The following PARP15 variants were observed in gnomAD, a reference collection of about 807,000 sequenced individuals.
The protein encoded by PARP15 is protein mono-ADP-ribosyltransferase PARP15.
Under a neutral mutation model 62.1 loss-of-function variants are expected in PARP15, and 50 were observed. That is an observed-to-expected ratio of 0.81 (90% CI 0.64 to 1.02). The LOEUF is 1.02. PARP15 is among the 50% of genes least tolerant of loss of function. The pLI is 0.00. For missense variants in PARP15, 820 were observed against 826.5 expected, an observed-to-expected ratio of 0.99 and a Z score of 0.10; for synonymous variants, 309 against 293.1, an observed-to-expected ratio of 1.05 and a Z score of -0.55.
At chr3:122,624,681 A>G (rs960230760) in intron 8 of PARP15, among the ~76,000 whole-genome samples, 5 of 152,162 alleles carry the variant, frequency 3.3e-5, no homozygotes, top group African/African-American at 1.2e-4. Flanking sequence ...TTGACGTCTC[A>G]TACTTCCCCT....
chr3:122,637,430 G>A lies in PARP15; in HGVS notation c.*1330G>A, dbSNP rs1173544602. 1 of 152,140 alleles carries A rather than the reference G, an allele frequency of 6.6e-6. No homozygotes were observed. Among genetic ancestry groups the A allele is most frequent in the Non-Finnish European group, 1.5e-5 (1 of 68,038 alleles). The allele number at this position is 152,140 out of a possible 1,614,324, so 9.4% of individuals were successfully genotyped here. A position where few individuals can be genotyped will look rare whatever the true frequency, so the allele number is the denominator to read the frequency against. On this transcript the variant is annotated 3_prime_UTR_variant, in exon 12 of 12. Coordinates refer to ENST00000464300, the MANE Select transcript of PARP15 (RefSeq NM_001113523.3). ...TGTCCAGACTTCTGGAGGACACAGA[G>A]CAAGTTTTATTCCTCTTACTGATGG... is the stretch of plus-strand genomic sequence containing the variant.
At position 122,577,825 on chromosome 3, in the gene PARP15, C is replaced by A; in HGVS notation, c.158C>A (p.Ala53Asp). Residue 53 changes from alanine to aspartate, a missense_variant, in exon 1 of 12, where the codon GCC becomes GAC. Around this residue, in one of 3 missense-constraint regions of PARP15, gnomAD observed 731 missense variants for 727.7 expected, o/e 1.00. Transcript: ENST00000464300. ...LPAGNRGARKASRRSSSRSMS... is the reference protein window; with the variant it reads ...LPAGNRGARKDSRRSSSRSMS... ...GCCGGGAACCGTGGGGCGCGGAAGG[C>A]CTCCCGGCGCTCTTCCTCCCGGAGT... 2 of 1,550,168 alleles carry A rather than the reference C, an allele frequency of 1.3e-6. No homozygotes were observed. The highest frequency in any genetic ancestry group is 2.4e-5 in the East Asian group (1 of 40,874).
chr3:122,581,122 A>G (rs976593952), intron 1 of PARP15, among the ~76,000 whole-genome samples: 1 of 152,238 alleles, frequency 6.6e-6, no homozygotes, highest in African/African-American at 2.4e-5. Flanking sequence ...ACACAATGAC[A>G]GAATTGCCTA....
intron 1 of PARP15, among the ~76,000 whole-genome samples, chr3:122,605,596 C>CA (rs751348648): frequency 2.0e-5 from 3 of 152,156 alleles, no homozygotes; most frequent in Non-Finnish European, 2.9e-5. Context: ...CTTTTTGAGA[C>CA]AGGGTCTCGC....
chr3:122,605,852 A>G, intron 1 of PARP15, 84 bp from the exon 2 acceptor site: 2 of 1,415,132 alleles, frequency 1.4e-6, no homozygotes, highest in Non-Finnish European at 1.9e-6. Context: ...AAGTGCTGAG[A>G]TTACAGACCT....
intron 11 of PARP15, 64 bp downstream of exon 11, chr3:122,635,258 C>A: frequency 6.7e-7 from 1 of 1,483,946 alleles, no homozygotes; most frequent in Admixed American, 1.9e-5. Context: ...CTTTTCATAC[C>A]CAAGCAGTGT....
At chr3:122,621,737 G>C (rs1936363377) in intron 8 of PARP15, 126 bp downstream of exon 8, 1 of 889,940 alleles carries the variant, frequency 1.1e-6, no homozygotes, top group Non-Finnish European at 1.6e-6. Context: ...ATCAGAGAGG[G>C]AGCCATCTTT....
intron 1 of PARP15, among the ~76,000 whole-genome samples, chr3:122,586,331 T>C (rs1203563965): frequency 6.6e-6 from 1 of 151,964 alleles, no homozygotes; most frequent in African/African-American, 2.4e-5. Context: ...CTCACCCTCC[T>C]AAGTAGCTAG....
chr3:122,622,441 A>C (rs1248904302), intron 8 of PARP15, among the ~76,000 whole-genome samples: 1 of 152,140 alleles, frequency 6.6e-6, no homozygotes, highest in African/African-American at 2.4e-5. Context: ...TTGTGTCCCC[A>C]GACACCCACA....
At chr3:122,618,383 G>A (rs1936125014) in intron 6 of PARP15, among the ~76,000 whole-genome samples, 1 of 152,170 alleles carries the variant, frequency 6.6e-6, no homozygotes, top group African/African-American at 2.4e-5. Context: ...AAACAACTAT[G>A]AACAAAAGAT....
At position 122,580,177 on chromosome 3, in the gene PARP15, T is replaced by C. The variant is rs143726668; in HGVS notation, c.186+2324T>C. Among the ~76,000 whole-genome samples, 308 of 150,190 alleles carry C rather than the reference T, an allele frequency of 2.1e-3. 1 individual carries two copies. Among genetic ancestry groups the C allele is most frequent in the Middle Eastern group, 6.9e-3 (2 of 290 alleles). ...TTCTATAAATGTCAATTAGGTGGAG[T>C]TGGTTGTTGTTCAAGTCCTCATGTC... On this transcript the variant is annotated intron_variant, in intron 1 of 11. Transcript: ENST00000464300.
chr3:122,605,928 C>A lies in PARP15; in HGVS notation c.187-8C>A. ...ATTGCTGGTAATGCTTTACTGTTTTCTCCACAGTCCAGAGACAACAAGTTC... is the reference window on the plus strand; with the variant it reads ...ATTGCTGGTAATGCTTTACTGTTTTATCCACAGTCCAGAGACAACAAGTTC... On this transcript the variant is annotated splice_region_variant and splice_polypyrimidine_tract_variant and intron_variant, in intron 1 of 11. Coordinates refer to ENST00000464300, the MANE Select transcript of PARP15 (RefSeq NM_001113523.3). 6.4e-7 allele frequency: 1 copy of A among 1,550,552 alleles called. No homozygotes were observed. Among genetic ancestry groups the A allele is most frequent in the Non-Finnish European group, 8.7e-7 (1 of 1,146,348 alleles).
intron 9 of PARP15, among the ~76,000 whole-genome samples, chr3:122,631,622 G>T (rs1023955556): frequency 6.6e-6 from 1 of 152,142 alleles, no homozygotes; most frequent in Admixed American, 6.5e-5. Context: ...TCTTTACATG[G>T]TGCTTTCTCT....
chr3:122,622,138 G>A (rs1028621359), intron 8 of PARP15, among the ~76,000 whole-genome samples: 4 of 152,168 alleles, frequency 2.6e-5, no homozygotes, highest in Non-Finnish European at 5.9e-5. Flanking sequence ...ATCTTTCCAA[G>A]TTTGGTCCTT....
intron 1 of PARP15, among the ~76,000 whole-genome samples, chr3:122,592,585 C>T (rs868000369): frequency 6.0e-5 from 9 of 149,894 alleles, no homozygotes; most frequent in Admixed American, 2.0e-4. Flanking sequence ...GCACATGTAC[C>T]ACAGAACTTA....
chr3:122,607,542 G>T (rs907810486), intron 2 of PARP15, among the ~76,000 whole-genome samples: 1 of 152,208 alleles, frequency 6.6e-6, no homozygotes, highest in South Asian at 2.1e-4. Flanking sequence ...AAAAATGATA[G>T]CTATTATCAT....
chr3:122,597,163 G>A (rs1253202764), intron 1 of PARP15, among the ~76,000 whole-genome samples: 1 of 152,148 alleles, frequency 6.6e-6, no homozygotes, highest in East Asian at 1.9e-4. Context: ...GTGTCCTCAC[G>A]TGGCAGAGAG....
chr3:122,609,697 A>T (rs1300515384), intron 2 of PARP15, among the ~76,000 whole-genome samples: 1 of 134,524 alleles, frequency 7.4e-6, no homozygotes, highest in African/African-American at 3.5e-5. Flanking sequence ...AATCGTGTTT[A>T]AAAAAAAAAA....
intron 1 of PARP15, among the ~76,000 whole-genome samples, chr3:122,604,870 GA>G (rs577148754): frequency 4.0e-5 from 6 of 148,926 alleles, no homozygotes; most frequent in East Asian, 4.0e-4. Flanking sequence ...AAAAAGAAAA[GA>G]AAAAAAATAC....
Sources: allele counts gnomAD v4.1 joint callset (sites outside exome capture counted in the v4.1 genomes callset), GRCh38; gene constraint gnomAD v4.1.1; regional missense constraint gnomAD v4.1.1; transcripts MANE v1.5; gene names NCBI Gene and HGNC (gene_info 2026-07-23, HGNC 2026-07-21).